SORCS3: variants seen among roughly 807,000 people sequenced by gnomAD.
SORCS3 encodes the protein VPS10 domain-containing receptor SorCS3.
A neutral mutation model predicts 146.3 loss-of-function variants in SORCS3; 57 were observed. The ratio of observed to expected loss-of-function variants is 0.39; its 90% CI spans 0.31 to 0.49. The LOEUF (loss-of-function observed/expected upper bound fraction) is 0.49. Among genes scored for constraint, SORCS3 ranks in the 20% least tolerant of loss-of-function variants. The probability of loss-of-function intolerance (pLI) is 0.92; values close to 1 mark genes in which losing one functional copy is unlikely to be tolerated. For synonymous variants in SORCS3, 653 were observed against 618.5 expected, an observed-to-expected ratio of 1.06 and a Z score of -0.83; for missense variants, 1,341 against 1,575.5, an observed-to-expected ratio of 0.85 and a Z score of 2.52.
intron 3 of SORCS3, among the ~76,000 whole-genome samples, chr10:104,921,501 CTCTGTG>C (rs2019086678): frequency 7.7e-6 from 1 of 130,034 alleles, no homozygotes; most frequent in African/African-American, 3.9e-5. Flanking sequence ...CTCTCTCTCT[CTCTGTG>C]TGTGTGTGTG....
intron 1 of SORCS3, among the ~76,000 whole-genome samples, chr10:104,797,444 A>G (rs904606824): frequency 2.0e-5 from 3 of 152,062 alleles, no homozygotes; most frequent in African/African-American, 4.8e-5. Flanking sequence ...TGCTCAGCCA[A>G]CCTTGGCCAG....
At chr10:104,688,346 C>G (rs1034005399) in intron 1 of SORCS3, among the ~76,000 whole-genome samples, 1 of 152,170 alleles carries the variant, frequency 6.6e-6, no homozygotes, top group African/African-American at 2.4e-5. Context: ...CAGGCAGAGG[C>G]TGCGTGTGTG....
At chr10:104,734,725 A>G (rs1410084224) in intron 1 of SORCS3, among the ~76,000 whole-genome samples, 1 of 152,178 alleles carries the variant, frequency 6.6e-6, no homozygotes, top group Non-Finnish European at 1.5e-5. Context: ...TTCTCTTTTA[A>G]CGGGAGAGAC....
rs1210577018 is a variant in SORCS3, at chr10:104,787,872, G to A, written c.628-54920G>A. Among the ~76,000 whole-genome samples the A allele has an allele frequency of 4.6e-5, 7 of 152,294 alleles. No homozygotes were observed. In the South Asian group the frequency reaches 1.5e-3, roughly 32 times the overall value. On this transcript the variant is annotated intron_variant, in intron 1 of 26. Transcript: ENST00000369701. ...AATGAGAGTCAGCTACAAGCAGACG[G>A]CTCTCTGCCTGTGAAAACAGGGCTT...
At chr10:104,858,648 G>GTC (rs2018362477) in intron 2 of SORCS3, among the ~76,000 whole-genome samples, 2 of 148,362 alleles carry the variant, frequency 1.3e-5, no homozygotes, top group African/African-American at 5.0e-5. Flanking sequence ...TTGAGACGGA[G>GTC]TCTCGCTCTG....
chr10:105,256,089 T>G (rs2056929830), intron 24 of SORCS3, among the ~76,000 whole-genome samples: 1 of 152,234 alleles, frequency 6.6e-6, no homozygotes, highest in Non-Finnish European at 1.5e-5. Flanking sequence ...TTTGTTTGTA[T>G]ATTTCTTTAT....
intron 1 of SORCS3, among the ~76,000 whole-genome samples, chr10:104,785,232 C>T (rs1224232239): frequency 1.3e-5 from 2 of 149,550 alleles, no homozygotes; most frequent in Non-Finnish European, 3.0e-5. Flanking sequence ...TTTTGTTCTG[C>T]ACTAAGAAAA....
chr10:105,265,071 C>A lies in SORCS3; in HGVS notation c.*1697C>A, dbSNP rs2056983782. On this transcript the variant is annotated 3_prime_UTR_variant, in exon 27 of 27. Coordinates refer to ENST00000369701, the MANE Select transcript of SORCS3 (RefSeq NM_014978.3). ...AAGGGTTAAATGGGGCAGACAATTGCAATACTTGTACTAAACACTGGAATA... is the reference window on the plus strand; with the variant it reads ...AAGGGTTAAATGGGGCAGACAATTGAAATACTTGTACTAAACACTGGAATA... 6.6e-6 allele frequency: 1 copy of A among 152,272 alleles called. No homozygotes were observed. 9.4% of individuals were successfully genotyped at this position (152,272 alleles called of 1,614,324 possible). A position where few individuals can be genotyped will look rare whatever the true frequency, so the allele number is the denominator to read the frequency against.
chr10:105,243,002 T>A (rs2056845252), intron 20 of SORCS3, among the ~76,000 whole-genome samples: 2 of 130,200 alleles, frequency 1.5e-5, no homozygotes, highest in African/African-American at 5.7e-5. Context: ...TATTTATACA[T>A]GTATTTTTAT....
intron 19 of SORCS3, among the ~76,000 whole-genome samples, chr10:105,221,260 C>T (rs1182795170): frequency 6.6e-6 from 1 of 152,172 alleles, no homozygotes; most frequent in Non-Finnish European, 1.5e-5. Flanking sequence ...AAATAGCAGT[C>T]ACTGTCCAAA....
At chr10:105,047,173 T>G (rs1252415301) in intron 5 of SORCS3, among the ~76,000 whole-genome samples, 1 of 152,070 alleles carries the variant, frequency 6.6e-6, no homozygotes, top group Admixed American at 6.6e-5. Context: ...ATGTGAATAC[T>G]TGTTGTGATT....
At chr10:104,972,849 A>G (rs2054869157) in intron 3 of SORCS3, among the ~76,000 whole-genome samples, 2 of 152,128 alleles carry the variant, frequency 1.3e-5, no homozygotes, top group Admixed American at 6.5e-5. Flanking sequence ...GATAGCTCTT[A>G]TTATTTTGAG....
chr10:105,195,747 G>A (rs1564781891), intron 14 of SORCS3, among the ~76,000 whole-genome samples: 1 of 152,118 alleles, frequency 6.6e-6, no homozygotes, highest in African/African-American at 2.4e-5. Flanking sequence ...GGATCGATGT[G>A]GAATACATTA....
At chr10:105,100,419 C>T (rs1169207397) in intron 6 of SORCS3, among the ~76,000 whole-genome samples, 3 of 152,102 alleles carry the variant, frequency 2.0e-5, no homozygotes, top group South Asian at 4.1e-4. Flanking sequence ...AATAGAAGTT[C>T]AAGAATAAGA....
chr10:105,214,215 C>T (rs1000308334), intron 17 of SORCS3, among the ~76,000 whole-genome samples: 3 of 152,106 alleles, frequency 2.0e-5, no homozygotes, highest in Non-Finnish European at 2.9e-5. Context: ...TCAATAATAA[C>T]GTTTAAGGAG....
intron 9 of SORCS3, among the ~76,000 whole-genome samples, chr10:105,155,576 C>T (rs367609727): frequency 1.1e-4 from 17 of 152,268 alleles, no homozygotes; most frequent in African/African-American, 4.1e-4. Flanking sequence ...GATTAGTAGT[C>T]AGGTTTAGGA....
intron 3 of SORCS3, among the ~76,000 whole-genome samples, chr10:104,970,758 A>G (rs1280592752): frequency 6.6e-6 from 1 of 152,232 alleles, no homozygotes; most frequent in African/African-American, 2.4e-5. Flanking sequence ...GAAGCTGTAA[A>G]GGAATAAAAG....
chr10:105,104,849 ACC>A, intron 6 of SORCS3, among the ~76,000 whole-genome samples: 1 of 152,326 alleles, frequency 6.6e-6, no homozygotes, highest in Admixed American at 6.5e-5. Flanking sequence ...ATACGTATCC[ACC>A]GAATTCTTCT....
intron 2 of SORCS3, among the ~76,000 whole-genome samples, chr10:104,901,407 A>G (rs2018849914): frequency 6.6e-6 from 1 of 152,222 alleles, no homozygotes; most frequent in Non-Finnish European, 1.5e-5. Context: ...CTCTGGTAAT[A>G]TATTCCATTT....
Sources: allele counts gnomAD v4.1 joint callset (sites outside exome capture counted in the v4.1 genomes callset), GRCh38; gene constraint gnomAD v4.1.1; transcripts MANE v1.5; gene names NCBI Gene and HGNC (gene_info 2026-07-23, HGNC 2026-07-21).